ZMYND8: variants seen among roughly 807,000 people sequenced by gnomAD.
The protein encoded by ZMYND8 is zinc finger MYND-type containing 8.
A neutral mutation model predicts 140.8 loss-of-function variants in ZMYND8; 37 were observed. The observed-to-expected ratio is 0.26, with a 90% CI of 0.20 to 0.35. The LOEUF is 0.35. ZMYND8 is among the 10% of genes least tolerant of loss of function. The pLI is 1.00. For missense variants in ZMYND8, 1,068 were observed against 1,570.0 expected (o/e 0.68, Z 5.40); for synonymous variants, 592 against 597.1 (o/e 0.99, Z 0.12).
intron 2 of ZMYND8, among the ~76,000 whole-genome samples, chr20:47,325,185 G>A (rs567957547): frequency 5.0e-4 from 76 of 152,260 alleles, no homozygotes; most frequent in African/African-American, 1.7e-3. Context: ...AATTACAAGC[G>A]TGAGCCACCA....
chr20:47,317,644 C>T (rs2079517416), intron 2 of ZMYND8, among the ~76,000 whole-genome samples: 1 of 152,178 alleles, frequency 6.6e-6, no homozygotes, highest in African/African-American at 2.4e-5. Context: ...GCATGACAGG[C>T]CACAGGAGTA....
intron 8 of ZMYND8, 144 bp from the exon 9 acceptor site, chr20:47,283,792 A>T (rs2076754702): frequency 1.3e-6 from 1 of 751,908 alleles, no homozygotes. Flanking sequence ...ACCACTATGT[A>T]TCGCTCCCAA....
chr20:47,354,593 C>A (rs2083067852), intron 1 of ZMYND8: 1 of 152,194 alleles, frequency 6.6e-6, no homozygotes, highest in Non-Finnish European at 1.5e-5. Context: ...TGGTACGTTT[C>A]TGCTGATTAA....
rs1187027631 is a variant in ZMYND8 at position 47,255,767 on chromosome 20, G to GTA, written c.1622-6330_1622-6329dup. 7.1e-4 allele frequency among the ~76,000 whole-genome samples: 48 copies of GTA among 67,390 alleles called. 1 individual carries two copies. Among genetic ancestry groups the GTA allele is most frequent in the African/African-American group, 1.6e-3 (22 of 14,058 alleles). The allele number at this position is 67,390 out of a possible 152,430, so 44.2% of individuals were successfully genotyped here. A position where few individuals can be genotyped will look rare whatever the true frequency, so the allele number is the denominator to read the frequency against. ...ATATATATATATATATATATATACG[G>GTA]TATATATATATATTTGTATGTGTAT... On this transcript the variant is annotated intron_variant, in intron 12 of 22. Transcript: ENST00000471951.
At chr20:47,352,431 G>A (rs1448920741) in intron 1 of ZMYND8, 1 of 982,064 alleles carries the variant, frequency 1.0e-6, no homozygotes, top group Non-Finnish European at 1.2e-6. Flanking sequence ...CGAGTCTGCA[G>A]AGGAGAAACA....
chr20:47,294,722 T>C lies in ZMYND8; in HGVS notation c.511A>G (p.Ile171Val). The change falls in exon 5 of 23, where the codon ATT becomes GTT. Residue 171 changes from isoleucine (I) to valine (V), a missense_variant. Coordinates refer to ENST00000471951, the MANE Select transcript of ZMYND8 (RefSeq NM_001281775.3). ...TTGAGCAGGTAGGATAACTGTTCAATGGTGAGCATTGTCATGGCTTTACTC... is the reference window on the plus strand; with the variant it reads ...TTGAGCAGGTAGGATAACTGTTCAACGGTGAGCATTGTCATGGCTTTACTC... ...TQSKAMTMLT[I>V]EQLSYLLKFA... 1 of 1,614,226 alleles carries C rather than the reference T, an allele frequency of 6.2e-7. No homozygotes were observed. Among genetic ancestry groups the C allele is most frequent in the Non-Finnish European group, 8.5e-7 (1 of 1,180,030 alleles).
rs375107295 is a variant in ZMYND8 at position 47,298,975 on chromosome 20, G to C, written c.235-28C>G. On this transcript the variant is annotated intron_variant, in intron 3 of 22. Transcript: ENST00000471951. The surrounding 1 kb of genome is among the most constrained non-coding windows in gnomAD (Gnocchi z 5.0). ...GAAATGTAGGCAAAAAGACAGGTTT[G>C]GTTTCAAAACAAATGTGCATTCTCA... 1.6e-5 allele frequency: 25 copies of C among 1,606,812 alleles called. No homozygotes were observed. The highest frequency in any genetic ancestry group is 2.1e-5 in the Non-Finnish European group (25 of 1,173,702).
intron 10 of ZMYND8, among the ~76,000 whole-genome samples, chr20:47,281,558 G>C (rs1303769308): frequency 6.6e-6 from 1 of 152,120 alleles, no homozygotes; most frequent in African/African-American, 2.4e-5. Flanking sequence ...TCACTCTGCC[G>C]TGTACGGAGG....
Position 47,238,983 on chromosome 20 carries a change from C to T in ZMYND8, c.2440G>A (p.Ala814Thr), listed in dbSNP as rs769182077. The T allele has an allele frequency of 1.9e-5, 31 of 1,610,020 alleles. No homozygotes were observed. The highest frequency in any genetic ancestry group is 2.5e-5 in the Non-Finnish European group (29 of 1,176,698). ...TGCTTTTTCACTGGGCTTCCTGTGG[C>T]GGCGGGGGCCGGGGCCGTGACGGTG... ...TVTVTAPAPA[A>T]TGSPVKKQRP... The change falls in exon 15 of 23, where the codon GCC (alanine) becomes ACC (threonine). Residue 814 changes from alanine (A) to threonine (T), a missense_variant. Transcript: ENST00000471951.
At chr20:47,259,507 T>G (rs1331638650) in intron 12 of ZMYND8, among the ~76,000 whole-genome samples, 1 of 152,084 alleles carries the variant, frequency 6.6e-6, no homozygotes, top group African/African-American at 2.4e-5. Context: ...TAGGACAAGA[T>G]GGACCTGGAG....
chr20:47,252,703 T>C (rs2074288292), intron 12 of ZMYND8, among the ~76,000 whole-genome samples: 1 of 152,128 alleles, frequency 6.6e-6, no homozygotes, highest in Non-Finnish European at 1.5e-5. Flanking sequence ...GGCAGTTCCC[T>C]TGAGCTCACA....
intron 3 of ZMYND8, among the ~76,000 whole-genome samples, chr20:47,306,413 G>A (rs967984436): frequency 6.6e-6 from 1 of 151,726 alleles, no homozygotes; most frequent in Non-Finnish European, 1.5e-5. Context: ...GTGAGACCCT[G>A]TCTCAAAAAA....
At chr20:47,351,201 A>C (rs2082750605) in intron 1 of ZMYND8, among the ~76,000 whole-genome samples, 1 of 152,206 alleles carries the variant, frequency 6.6e-6, no homozygotes, top group Admixed American at 6.5e-5. Context: ...CACCTCCAGG[A>C]TGCTTTAAGC....
In ZMYND8 at chr20:47,282,045, T is replaced by C. The variant is rs1472517551; in HGVS notation, c.998+57A>G. The C allele has an allele frequency of 1.1e-5, 15 of 1,412,324 alleles. No homozygotes were observed. The East Asian group carries it at 3.5e-4, about 33-fold the overall frequency. 87.5% of individuals were successfully genotyped at this position (1,412,324 alleles called of 1,614,324 possible). A position where few individuals can be genotyped will look rare whatever the true frequency, so the allele number is the denominator to read the frequency against. On this transcript the variant is annotated intron_variant, in intron 10 of 22. Coordinates refer to ENST00000471951, the MANE Select transcript of ZMYND8 (RefSeq NM_001281775.3). ...AGCCTCCACTTCTTTTCTTATCTCATAACAGTATCAAAGTTCAGTGAAAGC... is the reference window on the plus strand; with the variant it reads ...AGCCTCCACTTCTTTTCTTATCTCACAACAGTATCAAAGTTCAGTGAAAGC...
intron 13 of ZMYND8, among the ~76,000 whole-genome samples, chr20:47,246,772 G>A (rs777138871): frequency 6.6e-6 from 1 of 152,138 alleles, no homozygotes; most frequent in Non-Finnish European, 1.5e-5. Flanking sequence ...AATTTATATG[G>A]CACTAAACAT....
intron 9 of ZMYND8, 48 bp from the exon 10 acceptor site, chr20:47,282,265 A>C (rs761506342): frequency 2.5e-5 from 38 of 1,535,634 alleles, no homozygotes; most frequent in Non-Finnish European, 3.2e-5. Flanking sequence ...TTTGACAGCA[A>C]GATACTCACT....
At chr20:47,222,140 T>C (rs1404570316) in intron 19 of ZMYND8, among the ~76,000 whole-genome samples, 17 of 152,210 alleles carry the variant, frequency 1.1e-4, no homozygotes, top group Admixed American at 1.1e-3. Flanking sequence ...CCCCAGAGAC[T>C]TTCTTCCTTC....
In ZMYND8 at chr20:47,227,210, G is replaced by A; in HGVS notation, c.3009C>T (p.His1003=). The A allele has an allele frequency of 6.2e-7, 1 of 1,614,188 alleles. No individual in the cohort carries two copies. Among genetic ancestry groups the A allele is most frequent in the South Asian group, 1.1e-5 (1 of 91,086 alleles). Residue 1003 remains histidine (H), a synonymous_variant, in exon 18 of 23, where the codon CAC becomes CAT. Coordinates refer to ENST00000471951, the MANE Select transcript of ZMYND8 (RefSeq NM_001281775.3). ...LHQQELSEMK[H]NLELTMAEMR... is the part of the protein sequence containing the mutation. Reference sequence around the variant, plus strand: ...CAGTGTGTCAGGCCTTACCTAAGTTGTGTTTCATTTCGGAGAGCTCTTGCT... The same window carrying A: ...CAGTGTGTCAGGCCTTACCTAAGTTATGTTTCATTTCGGAGAGCTCTTGCT...
intron 16 of ZMYND8, among the ~76,000 whole-genome samples, chr20:47,233,741 T>C (rs533289309): frequency 6.6e-6 from 1 of 152,158 alleles, no homozygotes; most frequent in Non-Finnish European, 1.5e-5. Context: ...ATCTATAAAA[T>C]TGGGGTGATA....
Sources: gnomAD v4.1 joint callset for allele counts (sites outside exome capture counted in the v4.1 genomes callset) on GRCh38, gnomAD v4.1.1 for gene constraint, Gnocchi (gnomAD v3.1) non-coding constraint, MANE v1.5 for transcripts, NCBI Gene and HGNC (gene_info 2026-07-23, HGNC 2026-07-21) for gene names.